EXT2: variants seen among roughly 807,000 people sequenced by gnomAD.
EXT2 encodes the protein exostosin glycosyltransferase 2.
EXT2 carries 53 observed loss-of-function variants against 81.6 expected under a neutral mutation model. The ratio of observed to expected loss-of-function variants is 0.65; its 90% confidence interval spans 0.52 to 0.82. The LOEUF (loss-of-function observed/expected upper bound fraction) is 0.82. Among genes scored for constraint, EXT2 ranks in the 40% least tolerant of loss-of-function variants. The pLI is 0.00. For synonymous variants in EXT2, 320 were observed against 340.0 expected (o/e 0.94, Z 0.65); for missense variants, 774 against 910.2 (o/e 0.85, Z 1.93).
intron 3 of EXT2, among the ~76,000 whole-genome samples, chr11:44,112,968 A>G (rs1056171562): frequency 1.3e-5 from 2 of 152,210 alleles, no homozygotes; most frequent in Non-Finnish European, 2.9e-5. Flanking sequence ...CATGGGGCCC[A>G]TAGAGTCTGC....
chr11:44,139,799 T>C (rs1188632205), intron 7 of EXT2, among the ~76,000 whole-genome samples: 1 of 152,206 alleles, frequency 6.6e-6, no homozygotes, highest in East Asian at 1.9e-4. Flanking sequence ...CTTCTTTGGC[T>C]CTTCTTTATA....
chr11:44,138,115 G>A (rs1954596227), intron 7 of EXT2, among the ~76,000 whole-genome samples: 1 of 152,200 alleles, frequency 6.6e-6, no homozygotes, highest in African/African-American at 2.4e-5. Flanking sequence ...GGAGAGACTA[G>A]TAGGTAAGAG....
chr11:44,129,524 A>G (rs949782048), intron 6 of EXT2, among the ~76,000 whole-genome samples: 7 of 152,234 alleles, frequency 4.6e-5, no homozygotes, highest in Admixed American at 4.6e-4. Flanking sequence ...TTTCCCAGGC[A>G]TTCTTCTGGC....
Position 44,197,935 on chromosome 11 carries a change from G to A in EXT2, c.1412G>A (p.Arg471Gln), listed in dbSNP as rs141256266. The change falls in exon 9 of 14, where the codon CGG becomes CAG. Residue 471 changes from arginine (R) to glutamine (Q), a missense_variant. Arg to Gln is a conservative substitution (Grantham distance 43). This residue lies in a region of EXT2 where 626 missense variants were observed against 670.5 expected (regional missense o/e 0.93). Coordinates refer to ENST00000533608, the MANE Select transcript of EXT2 (RefSeq NM_207122.2). ...TACGACCGAGTAGAGAGCCTCTTCC[G>A]GGTCATCACTGAAGTGTCCAAGGTG... ...LTYDRVESLF[R>Q]VITEVSKVPS... 6.2e-5 allele frequency: 100 copies of A among 1,613,846 alleles called. No individual in the cohort carries two copies. The highest frequency in any genetic ancestry group is 1.2e-4 in the Admixed American group (7 of 59,978).
intron 9 of EXT2, among the ~76,000 whole-genome samples, chr11:44,199,567 T>G (rs1955498184): frequency 6.6e-6 from 1 of 152,264 alleles, no homozygotes; most frequent in Non-Finnish European, 1.5e-5. Context: ...CCTGCAATCC[T>G]GCCTGAAAGG....
At chr11:44,109,100 G>A (rs1954103958) in intron 2 of EXT2, 94 bp from the exon 3 acceptor site, 3 of 1,362,670 alleles carry the variant, frequency 2.2e-6, no homozygotes, top group Non-Finnish European at 3.1e-6. Context: ...CCCTATTTGG[G>A]CTTGGGGATC....
Position 44,107,746 on chromosome 11 carries a change from C to T in EXT2, c.34C>T (p.Pro12Ser). 1.9e-6 allele frequency: 3 copies of T among 1,614,162 alleles called. No homozygotes were observed. The highest frequency in any genetic ancestry group is 2.5e-6 in the Non-Finnish European group (3 of 1,180,018). Reference sequence around the variant, plus strand: ...GTCGGTCAAGTATAATATCCGGGGTCCTGCCCTCATCCCAAGAATGAAGAC... The same window carrying T: ...GTCGGTCAAGTATAATATCCGGGGTTCTGCCCTCATCCCAAGAATGAAGAC... ...CASVKYNIRG[P>S]ALIPRMKTKH... The change falls in exon 2 of 14, where the codon CCT (proline) becomes TCT (serine). Residue 12 changes from proline to serine, a missense_variant. Physicochemically the swap from Pro to Ser is moderately conservative, Grantham distance 74 (BLOSUM62 -1). This residue lies in a region of EXT2 where 626 missense variants were observed against 670.5 expected (regional missense o/e 0.93). Coordinates refer to ENST00000533608, the MANE Select transcript of EXT2 (RefSeq NM_207122.2).
chr11:44,195,356 C>T (rs1374113137), intron 8 of EXT2, among the ~76,000 whole-genome samples: 3 of 151,910 alleles, frequency 2.0e-5, no homozygotes, highest in Non-Finnish European at 4.4e-5. Context: ...ATCTTTTGAA[C>T]CCGGGAGACG....
intron 7 of EXT2, among the ~76,000 whole-genome samples, chr11:44,132,471 G>T (rs1954507089): frequency 6.6e-6 from 1 of 152,206 alleles, no homozygotes. Context: ...CCGTTTGATT[G>T]CATGACCATG....
chr11:44,124,444 TACACACACACACAC>T (rs57261356), intron 4 of EXT2, among the ~76,000 whole-genome samples: 5 of 145,040 alleles, frequency 3.4e-5, no homozygotes, highest in South Asian at 2.3e-4. Flanking sequence ...GTTTCTCTCC[TACACACACACACAC>T]ACACACACAC....
chr11:44,130,155 T>A lies in EXT2; in HGVS notation c.1173+17T>A. 6.2e-7 allele frequency: 1 copy of A among 1,604,780 alleles called. No homozygotes were observed. The highest frequency in any genetic ancestry group is 8.5e-7 in the Non-Finnish European group (1 of 1,171,588). On this transcript the variant is annotated intron_variant, in intron 7 of 13. Transcript: ENST00000533608. The stretch of plus-strand genomic sequence containing the variant: ...CAGAGACAGGTAAGAGGCCAAGTCT[T>A]GGGGAGGTGACATGGGTGGTACCGA...
At chr11:44,198,607 G>T (rs1955486870) in intron 9 of EXT2, among the ~76,000 whole-genome samples, 1 of 152,144 alleles carries the variant, frequency 6.6e-6, no homozygotes, top group Admixed American at 6.6e-5. Context: ...AATTCGGGAC[G>T]CACAGAGTAT....
chr11:44,131,987 C>T (rs1482357651), intron 7 of EXT2, among the ~76,000 whole-genome samples: 3 of 152,324 alleles, frequency 2.0e-5, no homozygotes, highest in South Asian at 2.1e-4. Flanking sequence ...CCGCCCGCCT[C>T]GGCTTCCCAA....
rs1554943048 is a variant in EXT2 at position 44,251,194 on chromosome 11, T to TTC, written c.*6907_*6908insTC. On this transcript the variant is annotated 3_prime_UTR_variant, in exon 14 of 14. Transcript: ENST00000533608. Reference sequence around the variant, plus strand: ...ATGGAGAATTCAAGGATTTTTTTTTTCTCTTTTCATAGCACCTTCCAGTTG... The same window carrying TTC: ...ATGGAGAATTCAAGGATTTTTTTTTTTCCTCTTTTCATAGCACCTTCCAGTTG... Among the ~76,000 whole-genome samples the TTC allele has an allele frequency of 1.4e-4, 21 of 151,892 alleles. No individual in the cohort carries two copies. In the East Asian group the frequency reaches 1.9e-3, roughly 14 times the overall value.
chr11:44,234,191 A>T lies in EXT2; in HGVS notation c.1883A>T (p.Asp628Val), dbSNP rs1955932546. The T allele has an allele frequency of 6.2e-7, 1 of 1,614,068 alleles. No homozygotes were observed. The highest frequency in any genetic ancestry group is 1.3e-5 in the African/African-American group (1 of 74,932). The change falls in exon 12 of 14, where the codon GAT becomes GTT. Residue 628 changes from aspartate to valine, a missense_variant. This residue lies in a region of EXT2 where 148 missense variants were observed against 239.7 expected (regional missense o/e 0.62). Transcript: ENST00000533608. ...NWVDAHMNCE[D>V]IAMNFLVANV... ...GTAGATGCTCATATGAACTGTGAAG[A>T]TATTGCCATGAACTTCCTGGTGGCC...
At chr11:44,223,833 A>G (rs987397662) in intron 10 of EXT2, among the ~76,000 whole-genome samples, 5 of 152,036 alleles carry the variant, frequency 3.3e-5, no homozygotes, top group African/African-American at 7.2e-5. Flanking sequence ...TTGAATTTTC[A>G]GTAGAGACGG....
chr11:44,203,301 G>T (rs1006084939), intron 9 of EXT2, among the ~76,000 whole-genome samples: 3 of 152,148 alleles, frequency 2.0e-5, no homozygotes, highest in Admixed American at 2.0e-4. Flanking sequence ...AGGGTAAAGA[G>T]AACTCTAAAG....
intron 10 of EXT2, among the ~76,000 whole-genome samples, chr11:44,214,703 A>G: frequency 6.6e-6 from 1 of 151,074 alleles, no homozygotes; most frequent in East Asian, 1.9e-4. Context: ...TATGTCTTTC[A>G]TGATGAATCT....
At chr11:44,229,046 T>C (rs1464659094) in intron 10 of EXT2, among the ~76,000 whole-genome samples, 2 of 152,158 alleles carry the variant, frequency 1.3e-5, no homozygotes, top group Non-Finnish European at 2.9e-5. Flanking sequence ...TCCTTTTCTT[T>C]CACTTTGGCA....
Sources: allele counts gnomAD v4.1 joint callset (sites outside exome capture counted in the v4.1 genomes callset), GRCh38; gene constraint gnomAD v4.1.1; regional missense constraint gnomAD v4.1.1; transcripts MANE v1.5; gene names NCBI Gene and HGNC (gene_info 2026-07-23, HGNC 2026-07-21).